CLDN14: variants seen among roughly 807,000 people sequenced by gnomAD.
The protein encoded by CLDN14 is claudin-14.
A neutral mutation model predicts 2.1 loss-of-function variants in CLDN14; 2 were observed. The ratio of observed to expected loss-of-function variants is 0.96; its 90% CI spans 0.39 to 3.01. The LOEUF (loss-of-function observed/expected upper bound fraction) is 3.01, where lower values mean the gene tolerates loss of function less well. Ranked by LOEUF, CLDN14 falls within the 30% of genes most tolerant of loss-of-function variation. The pLI, the probability that CLDN14 is intolerant of heterozygous loss-of-function variation, is 0.09. For missense variants in CLDN14, 298 were observed against 328.0 expected (o/e 0.91, Z 0.71); for synonymous variants, 136 against 154.4 (o/e 0.88, Z 0.88).
Position 36,552,849 on chromosome 21 carries a change from C to T in CLDN14, c.-220+23562G>A, listed in dbSNP as rs528472231. Among the ~76,000 whole-genome samples the T allele has an allele frequency of 3.3e-5, 5 of 152,306 alleles. No individual in the cohort carries two copies. In the South Asian group the frequency reaches 8.3e-4, roughly 25 times the overall value. On this transcript the variant is annotated intron_variant, in intron 1 of 2. Transcript: ENST00000342108. ...TGCTGGGAGGAAGCTTTGATCACCA[C>T]CCCTTTTCTTGCTCTGAGCTTGAAT...
intron 2 of CLDN14, among the ~76,000 whole-genome samples, chr21:36,501,064 T>C (rs986674289): frequency 7.2e-5 from 11 of 152,214 alleles, no homozygotes; most frequent in African/African-American, 2.7e-4. Flanking sequence ...TTCTCAGCGA[T>C]GTGGTTGCTG....
At chr21:36,539,780 AGT>A (rs761602802) in intron 1 of CLDN14, among the ~76,000 whole-genome samples, 11 of 141,198 alleles carry the variant, frequency 7.8e-5, no homozygotes, top group Non-Finnish European at 1.4e-4. Flanking sequence ...ATGTGGAGTG[AGT>A]GTGTGTGTGC....
At chr21:36,492,439 C>T (rs219731) in intron 2 of CLDN14, among the ~76,000 whole-genome samples, 72,199 of 85,148 alleles carry the variant, frequency 0.85, 30,475 homozygotes, top group Middle Eastern at 0.92. Context: ...AGACTCCGTC[C>T]CAAAAAAAAA....
At chr21:36,532,422 A>T (rs1025887364) in intron 1 of CLDN14, 1 of 151,850 alleles carries the variant, frequency 6.6e-6, no homozygotes, top group African/African-American at 2.4e-5. Context: ...CCTTCCAGGG[A>T]ACATCACACA....
At chr21:36,483,330 G>A (rs1469277669), upstream of CLDN14, among the ~76,000 whole-genome samples, 1 of 152,358 alleles carries the variant, frequency 6.6e-6, no homozygotes, top group East Asian at 1.9e-4. Context: ...TGCTAGCTTC[G>A]CAGCTCACAG....
intron 1 of CLDN14, among the ~76,000 whole-genome samples, chr21:36,514,063 C>T (rs2087205917): frequency 1.3e-5 from 2 of 151,766 alleles, no homozygotes; most frequent in Non-Finnish European, 2.9e-5. Context: ...CTCACGTTGC[C>T]CAGGCTGGTC....
chr21:36,567,842 A>ATT (rs140587632), intron 1 of CLDN14, among the ~76,000 whole-genome samples: 1 of 149,794 alleles, frequency 6.7e-6, no homozygotes, highest in South Asian at 2.1e-4. Context: ...AAAGTCATTC[A>ATT]TTTTTTTTTT....
intron 1 of CLDN14, among the ~76,000 whole-genome samples, chr21:36,466,016 C>A (rs1477998420): frequency 1.3e-5 from 2 of 152,128 alleles, no homozygotes; most frequent in Non-Finnish European, 2.9e-5. Flanking sequence ...ACGACAGCAT[C>A]TTGGAATGCT....
In CLDN14 at chr21:36,494,146, C is replaced by T. The variant is rs1218701061; in HGVS notation, c.-82+16217G>A. On this transcript the variant is annotated intron_variant, in intron 2 of 2. Transcript: ENST00000342108. ...CAGCAGAGGCTGATGTCGGACTAGCCTCTGGCACAGACCGGGAGACCATCT... is the reference window on the plus strand; with the variant it reads ...CAGCAGAGGCTGATGTCGGACTAGCTTCTGGCACAGACCGGGAGACCATCT... Among the ~76,000 whole-genome samples, 4 of 152,206 alleles carry T rather than the reference C, an allele frequency of 2.6e-5. No individual in the cohort carries two copies. The East Asian group carries it at 7.7e-4, about 29-fold the overall frequency.
intron 1 of CLDN14, among the ~76,000 whole-genome samples, chr21:36,468,592 T>G (rs2086674329): frequency 6.7e-6 from 1 of 148,288 alleles, no homozygotes; most frequent in African/African-American, 2.6e-5. Flanking sequence ...AAATCATAAA[T>G]GCTTGAATTT....
At chr21:36,561,406 A>C (rs2087634535) in intron 1 of CLDN14, among the ~76,000 whole-genome samples, 1 of 152,160 alleles carries the variant, frequency 6.6e-6, no homozygotes, top group African/African-American at 2.4e-5. Flanking sequence ...GACTTGGGGG[A>C]GGACAGGAAA....
upstream of CLDN14, among the ~76,000 whole-genome samples, chr21:36,481,519 G>A (rs2086844776): frequency 6.6e-6 from 1 of 152,128 alleles, no homozygotes; most frequent in South Asian, 2.1e-4. Flanking sequence ...CATTCGTTGT[G>A]TATTATTAGG....
intron 1 of CLDN14, among the ~76,000 whole-genome samples, chr21:36,470,646 G>A (rs1453527947): frequency 6.6e-6 from 1 of 152,190 alleles, no homozygotes; most frequent in Non-Finnish European, 1.5e-5. Flanking sequence ...AACAAACACA[G>A]CAGAGTAGCT....
rs771486433 is a variant in CLDN14, at chr21:36,461,135, G to T, written c.561C>A (p.Asp187Glu). 9 of 1,613,852 alleles carry T rather than the reference G, an allele frequency of 5.6e-6. No homozygotes were observed. In the Admixed American group the frequency reaches 1.2e-4, roughly 21 times the overall value. Reference sequence around the variant, plus strand: ...CCTGGTAGGGCCTGTAGGGTGCCTCGTCCTGGCAGGACAGGCAAAGCAGGG... The same window carrying T: ...CCTGGTAGGGCCTGTAGGGTGCCTCTTCCTGGCAGGACAGGCAAAGCAGGG... ...GGTLLCLSCQ[D>E]EAPYRPYQAP... Residue 187 changes from aspartate (D) to glutamate (E), a missense_variant, in exon 2 of 2, where the codon GAC (aspartate) becomes GAA (glutamate). By Grantham distance (45) the Asp-to-Glu change is conservative. Transcript: ENST00000399135.
At chr21:36,512,229 T>C (rs987190167) in intron 1 of CLDN14, among the ~76,000 whole-genome samples, 6 of 152,134 alleles carry the variant, frequency 3.9e-5, no homozygotes, top group Admixed American at 3.3e-4. Flanking sequence ...AACTCTCCCA[T>C]GTTAGGAGGT....
rs186491798 is a variant in CLDN14 at position 36,472,274 on chromosome 21, T to C, written c.-82+7221A>G. 3.1e-4 allele frequency among the ~76,000 whole-genome samples: 47 copies of C among 152,258 alleles called. 1 individual carries two copies. The highest frequency in any genetic ancestry group is 3.0e-3 in the Admixed American group (46 of 15,296). On this transcript the variant is annotated intron_variant, in intron 1 of 1. Coordinates refer to ENST00000399135, the MANE Select transcript of CLDN14 (RefSeq NM_001146079.2). ...GGTGGGTGCCAGGAAGAGGTCAGTTTCTATATTCAGGTGAGGCTAGCGGGA... is the reference window on the plus strand; with the variant it reads ...GGTGGGTGCCAGGAAGAGGTCAGTTCCTATATTCAGGTGAGGCTAGCGGGA...
intron 2 of CLDN14, chr21:36,487,804 A>G (rs187609107): frequency 2.4e-4 from 36 of 152,344 alleles, no homozygotes; most frequent in African/African-American, 8.7e-4. Flanking sequence ...AGGCATTTCA[A>G]TGTGGTCCTG....
At chr21:36,569,960 T>C (rs1437784399) in intron 1 of CLDN14, among the ~76,000 whole-genome samples, 1 of 152,222 alleles carries the variant, frequency 6.6e-6, no homozygotes, top group East Asian at 1.9e-4. Context: ...GACACACCTG[T>C]GACAGAGCCT....
intron 2 of CLDN14, among the ~76,000 whole-genome samples, chr21:36,495,042 C>A (rs534691175): frequency 2.2e-4 from 34 of 152,234 alleles, no homozygotes; most frequent in African/African-American, 8.2e-4. Context: ...AAAGGGGAAC[C>A]AGAGGCCCAG....
Sources: allele counts gnomAD v4.1 joint callset (sites outside exome capture counted in the v4.1 genomes callset), GRCh38; gene constraint gnomAD v4.1.1; transcripts MANE v1.5; gene names NCBI Gene and HGNC (gene_info 2026-07-23, HGNC 2026-07-21).